Variants in MARCHF1 observed in about 807,000 individuals in gnomAD.
The protein encoded by MARCHF1 is E3 ubiquitin-protein ligase MARCHF1.
MARCHF1 carries 40 observed loss-of-function variants against 54.2 expected under a neutral mutation model. The ratio of observed to expected loss-of-function variants is 0.74; its 90% CI spans 0.57 to 0.96. The LOEUF (loss-of-function observed/expected upper bound fraction) is 0.96, where lower values mean the gene tolerates loss of function less well. Ranked by LOEUF, MARCHF1 falls within the 40% of genes least tolerant of loss-of-function variation. The pLI, the probability that MARCHF1 is intolerant of heterozygous loss-of-function variation, is 0.00. For synonymous variants in MARCHF1, 236 were observed against 236.3 expected (o/e 1.00, Z 0.01); for missense variants, 586 against 656.5 (o/e 0.89, Z 1.17).
At chr4:164,220,745 T>C (rs886939803) in intron 1 of MARCHF1, among the ~76,000 whole-genome samples, 5 of 146,498 alleles carry the variant, frequency 3.4e-5, no homozygotes, top group Non-Finnish European at 6.0e-5. Context: ...GTAATATATA[T>C]GCTATATATG....
chr4:163,982,912 A>G (rs1752791005), intron 3 of MARCHF1, among the ~76,000 whole-genome samples: 1 of 152,228 alleles, frequency 6.6e-6, no homozygotes. Flanking sequence ...CATTGATTCA[A>G]TGGAATCAAG....
At chr4:163,870,897 G>T (rs1750155070) in intron 3 of MARCHF1, among the ~76,000 whole-genome samples, 1 of 152,032 alleles carries the variant, frequency 6.6e-6, no homozygotes, top group African/African-American at 2.4e-5. Flanking sequence ...CTAGATTAAG[G>T]AATCAGTTTT....
intron 2 of MARCHF1, among the ~76,000 whole-genome samples, chr4:164,088,202 A>C (rs1336480441): frequency 6.6e-6 from 1 of 152,216 alleles, no homozygotes; most frequent in Non-Finnish European, 1.5e-5. Context: ...GAGGTTTTTC[A>C]GAATTCATTA....
intron 1 of MARCHF1, among the ~76,000 whole-genome samples, chr4:164,339,756 A>G (rs745609762): frequency 2.0e-5 from 3 of 152,176 alleles, no homozygotes; most frequent in Non-Finnish European, 4.4e-5. Flanking sequence ...GAGAACAATA[A>G]AAAAGATCAA....
At chr4:163,778,059 A>G (rs1292420077) in intron 4 of MARCHF1, among the ~76,000 whole-genome samples, 2 of 152,176 alleles carry the variant, frequency 1.3e-5, no homozygotes, top group Admixed American at 6.5e-5. Context: ...TTAACGTAGT[A>G]TTTTTGAGAA....
intron 1 of MARCHF1, among the ~76,000 whole-genome samples, chr4:164,301,290 T>C (rs1327739984): frequency 6.6e-6 from 1 of 152,040 alleles, no homozygotes; most frequent in Non-Finnish European, 1.5e-5. Context: ...GATGGAAAAA[T>C]AAACTGTTTT....
intron 5 of MARCHF1, among the ~76,000 whole-genome samples, chr4:163,672,193 AC>A (rs1743761146): frequency 6.6e-6 from 1 of 152,168 alleles, no homozygotes; most frequent in Admixed American, 6.5e-5. Context: ...AATATTATTC[AC>A]CCCATAGAAA....
intron 4 of MARCHF1, among the ~76,000 whole-genome samples, chr4:163,731,223 G>A (rs771546454): frequency 2.6e-5 from 4 of 152,012 alleles, no homozygotes; most frequent in East Asian, 1.9e-4. Context: ...TTCAGGCCAC[G>A]GAAAAACAGA....
intron 1 of MARCHF1, among the ~76,000 whole-genome samples, chr4:164,126,026 T>C (rs927444728): frequency 1.3e-5 from 2 of 152,220 alleles, no homozygotes; most frequent in Non-Finnish European, 2.9e-5. Flanking sequence ...TGTTGTAAGT[T>C]TGAAGAAGAT....
chr4:163,549,158 G>A (rs940930432), intron 8 of MARCHF1, among the ~76,000 whole-genome samples: 2 of 152,260 alleles, frequency 1.3e-5, no homozygotes, highest in African/African-American at 2.4e-5. Flanking sequence ...CACTACACGC[G>A]CCCACCACCA....
intron 4 of MARCHF1, among the ~76,000 whole-genome samples, chr4:163,834,502 G>A (rs1749121628): frequency 2.0e-5 from 3 of 151,646 alleles, no homozygotes. Context: ...TGCACAATGT[G>A]CAGGTTAGTT....
At chr4:163,901,401 A>T (rs1207141369) in intron 3 of MARCHF1, among the ~76,000 whole-genome samples, 1 of 152,148 alleles carries the variant, frequency 6.6e-6, no homozygotes, top group Non-Finnish European at 1.5e-5. Context: ...AGCCTATTTT[A>T]TGAATGCAGT....
chr4:164,332,140 A>T (rs1389431007), intron 1 of MARCHF1, among the ~76,000 whole-genome samples: 2 of 152,170 alleles, frequency 1.3e-5, no homozygotes, highest in South Asian at 2.1e-4. Flanking sequence ...ACAGAAAGAG[A>T]AAAAGACAGA....
At chr4:163,570,582 T>C (rs760418950) in intron 8 of MARCHF1, among the ~76,000 whole-genome samples, 10 of 152,092 alleles carry the variant, frequency 6.6e-5, no homozygotes, top group Non-Finnish European at 1.3e-4. Flanking sequence ...CGTATCCCAT[T>C]AGGAAAATAT....
chr4:163,639,690 C>G (rs997842526), intron 5 of MARCHF1, among the ~76,000 whole-genome samples: 3 of 152,024 alleles, frequency 2.0e-5, no homozygotes, highest in African/African-American at 7.2e-5. Flanking sequence ...CTTTGTCACA[C>G]TATTTGGACT....
At chr4:164,342,896 A>G (rs566268935) in intron 1 of MARCHF1, among the ~76,000 whole-genome samples, 125 of 152,288 alleles carry the variant, frequency 8.2e-4, no homozygotes, top group Non-Finnish European at 1.5e-3. Context: ...GAACAGAAAG[A>G]CAAATGATGC....
intron 4 of MARCHF1, among the ~76,000 whole-genome samples, chr4:163,724,138 T>G (rs1745573774): frequency 6.6e-6 from 1 of 152,224 alleles, no homozygotes; most frequent in Non-Finnish European, 1.5e-5. Context: ...CTCTGTTTTT[T>G]CCCCATCTTT....
intron 1 of MARCHF1, among the ~76,000 whole-genome samples, chr4:164,155,712 A>G (rs1439746224): frequency 6.6e-6 from 1 of 152,166 alleles, no homozygotes; most frequent in African/African-American, 2.4e-5. Context: ...AATGGGTATA[A>G]TACCCATTAA....
chr4:163,765,323 T>A (rs1746943452), intron 4 of MARCHF1, among the ~76,000 whole-genome samples: 1 of 152,142 alleles, frequency 6.6e-6, no homozygotes, highest in Non-Finnish European at 1.5e-5. Context: ...ATTCAAAGAC[T>A]ATTATCAATG....
Sources: allele counts gnomAD v4.1 joint callset (sites outside exome capture counted in the v4.1 genomes callset), GRCh38; gene constraint gnomAD v4.1.1; transcripts MANE v1.5; gene names NCBI Gene and HGNC (gene_info 2026-07-23, HGNC 2026-07-21).